Variants in NDFIP2 observed in about 807,000 individuals in gnomAD.
The protein encoded by NDFIP2 is Nedd4 family interacting protein 2.
In NDFIP2, 19 loss-of-function variants were observed where a neutral mutation model predicts 36.0. The observed-to-expected ratio is 0.53, with a 90% CI of 0.37 to 0.77. The LOEUF is 0.77. NDFIP2 is among the 30% of genes least tolerant of loss of function. The probability of loss-of-function intolerance (pLI) is 0.00; values close to 1 mark genes in which losing one functional copy is unlikely to be tolerated. For synonymous variants in NDFIP2, 181 were observed against 167.7 expected (o/e 1.08, Z -0.61); for missense variants, 446 against 435.8 (o/e 1.02, Z -0.21).
At chr13:79,524,488 T>C (rs1329581816) in intron 2 of NDFIP2, among the ~76,000 whole-genome samples, 1 of 152,202 alleles carries the variant, frequency 6.6e-6, no homozygotes, top group Non-Finnish European at 1.5e-5. Flanking sequence ...ACTAGGCAAG[T>C]GTATGTGGCC....
chr13:79,539,823 G>T, intron 4 of NDFIP2, 48 bp downstream of exon 4: 1 of 1,463,392 alleles, frequency 6.8e-7, no homozygotes, highest in Non-Finnish European at 9.6e-7. Flanking sequence ...TGAATTGGCT[G>T]TATGTGTATT....
chr13:79,528,086 C>A (rs1874870168), intron 2 of NDFIP2, among the ~76,000 whole-genome samples: 2 of 152,062 alleles, frequency 1.3e-5, no homozygotes, highest in Admixed American at 1.3e-4. Flanking sequence ...CTTGGCGAAA[C>A]CCTCATCAAC....
At chr13:79,538,162 A>G (rs1198660800) in intron 3 of NDFIP2, among the ~76,000 whole-genome samples, 1 of 152,156 alleles carries the variant, frequency 6.6e-6, no homozygotes, top group East Asian at 1.9e-4. Flanking sequence ...AACCATTAGA[A>G]ACCACCCCCA....
Position 79,533,475 on chromosome 13 carries a change from T to G in NDFIP2, c.621+19T>G. 6.3e-7 allele frequency: 1 copy of G among 1,577,160 alleles called. No homozygotes were observed. ...TCAAAGAGTAAGAAAATTTCATCAT[T>G]TCTTTTGATAAAATTATTTTCGTTA... On this transcript the variant is annotated intron_variant, in intron 3 of 7. Transcript: ENST00000218652.
intron 1 of NDFIP2, among the ~76,000 whole-genome samples, 199 bp downstream of exon 1, chr13:79,481,723 T>TC (rs2079814649): frequency 6.6e-6 from 1 of 152,120 alleles, no homozygotes; most frequent in African/African-American, 2.4e-5. Context: ...TCGAAACCCT[T>TC]CTCTCTCGCC....
intron 1 of NDFIP2, among the ~76,000 whole-genome samples, chr13:79,493,339 T>A (rs1054700271): frequency 2.6e-5 from 4 of 152,218 alleles, no homozygotes; most frequent in Non-Finnish European, 5.9e-5. Context: ...TATGCACTGT[T>A]GATATTCTTG....
At chr13:79,506,290 A>G (rs962989557) in intron 1 of NDFIP2, among the ~76,000 whole-genome samples, 1 of 152,152 alleles carries the variant, frequency 6.6e-6, no homozygotes, top group Non-Finnish European at 1.5e-5. Flanking sequence ...TCTTATTTAA[A>G]ATTGGAATAA....
chr13:79,484,718 G>A (rs903806696), intron 1 of NDFIP2, among the ~76,000 whole-genome samples: 3 of 152,092 alleles, frequency 2.0e-5, no homozygotes, highest in Admixed American at 1.3e-4. Flanking sequence ...AGTTGCCCTC[G>A]ATAAATTAGC....
intron 1 of NDFIP2, among the ~76,000 whole-genome samples, chr13:79,510,252 G>A (rs1447002802): frequency 6.6e-6 from 1 of 151,974 alleles, no homozygotes; most frequent in East Asian, 1.9e-4. Context: ...TATTATTGCT[G>A]TGTTGTAAGT....
chr13:79,525,546 A>C (rs1011835631), intron 2 of NDFIP2, among the ~76,000 whole-genome samples: 1 of 152,198 alleles, frequency 6.6e-6, no homozygotes, highest in Admixed American at 6.5e-5. Flanking sequence ...ATTATTAAGT[A>C]AAATAGAGTT....
At chr13:79,538,468 G>A (rs1042555620) in intron 3 of NDFIP2, among the ~76,000 whole-genome samples, 1 of 152,174 alleles carries the variant, frequency 6.6e-6, no homozygotes, top group Non-Finnish European at 1.5e-5. Flanking sequence ...AAGATAAAAT[G>A]GCACTATAGG....
At position 79,481,457 on chromosome 13, in the gene NDFIP2, C is replaced by G. The variant is rs868646215; in HGVS notation, c.254C>G (p.Ser85Cys). The G allele has an allele frequency of 2.6e-6, 4 of 1,563,230 alleles. No homozygotes were observed. Among genetic ancestry groups the G allele is most frequent in the East Asian group, 4.7e-5 (2 of 42,200 alleles). ...VGAEHGEDSL[S>C]RKPDPEPGRM... The stretch of plus-strand genomic sequence containing the variant: ...GCTGAGCACGGAGAAGACTCCCTCT[C>G]TCGGAAGCCGGATCCCGAGCCGGGC... The change falls in exon 1 of 8, where the codon TCT becomes TGT. Residue 85 changes from serine to cysteine, a missense_variant. Physicochemically the swap from Ser to Cys is moderately radical, Grantham distance 112 (BLOSUM62 -1). Coordinates refer to ENST00000218652, the MANE Select transcript of NDFIP2 (RefSeq NM_019080.3).
chr13:79,508,429 C>T (rs1211938937), intron 1 of NDFIP2, among the ~76,000 whole-genome samples: 1 of 152,168 alleles, frequency 6.6e-6, no homozygotes, highest in Non-Finnish European at 1.5e-5. Context: ...AAGAATAGCC[C>T]TCAGGGCTGC....
At chr13:79,495,474 G>T (rs1004249727) in intron 1 of NDFIP2, among the ~76,000 whole-genome samples, 4 of 151,734 alleles carry the variant, frequency 2.6e-5, no homozygotes, top group Admixed American at 2.0e-4. Flanking sequence ...TATTTAGGTT[G>T]GTGCAAAAAT....
intron 1 of NDFIP2, among the ~76,000 whole-genome samples, chr13:79,484,494 T>C (rs1460615609): frequency 6.6e-6 from 1 of 152,220 alleles, no homozygotes; most frequent in African/African-American, 2.4e-5. Flanking sequence ...TATAATACAT[T>C]AGCATATTAA....
At chr13:79,504,532 C>T (rs1421235798) in intron 1 of NDFIP2, among the ~76,000 whole-genome samples, 1 of 152,002 alleles carries the variant, frequency 6.6e-6, no homozygotes, top group African/African-American at 2.4e-5. Flanking sequence ...ACTAATGTCA[C>T]ATAGCAAAAG....
chr13:79,547,978 G>A (rs995823690), intron 5 of NDFIP2, among the ~76,000 whole-genome samples: 3 of 151,992 alleles, frequency 2.0e-5, no homozygotes, highest in Non-Finnish European at 4.4e-5. Context: ...TGTTTGGGAT[G>A]GTAGTTGTGG....
chr13:79,481,425 C>G lies in NDFIP2; in HGVS notation c.222C>G (p.Ala74=). 2.6e-6 allele frequency: 4 copies of G among 1,559,256 alleles called. No individual in the cohort carries two copies. The highest frequency in any genetic ancestry group is 3.5e-6 in the Non-Finnish European group (4 of 1,151,362). Residue 74 remains alanine (A), a synonymous_variant, in exon 1 of 8, where the codon GCC becomes GCG. Transcript: ENST00000218652. Reference sequence around the variant, plus strand: ...CGACGACGTCGTCGACGGGGGTGGCCGTGGGAGCTGAGCACGGAGAAGACT... The same window carrying G: ...CGACGACGTCGTCGACGGGGGTGGCGGTGGGAGCTGAGCACGGAGAAGACT... The part of the protein sequence containing the change: ...PAATTSSTGV[A]VGAEHGEDSL...
intron 1 of NDFIP2, among the ~76,000 whole-genome samples, chr13:79,515,279 G>T (rs1874246152): frequency 6.6e-6 from 1 of 151,918 alleles, no homozygotes; most frequent in Non-Finnish European, 1.5e-5. Flanking sequence ...TCATTATGTG[G>T]CATACAACTG....
Sources: allele counts gnomAD v4.1 joint callset (sites outside exome capture counted in the v4.1 genomes callset), GRCh38; gene constraint gnomAD v4.1.1; transcripts MANE v1.5; gene names NCBI Gene and HGNC (gene_info 2026-07-23, HGNC 2026-07-21).